Variants in TRAK1 observed in about 807,000 individuals in gnomAD.
TRAK1 encodes the protein trafficking kinesin-binding protein 1.
Under a neutral mutation model 92.1 loss-of-function variants are expected in TRAK1, and 33 were observed. The ratio of observed to expected loss-of-function variants is 0.36; its 90% CI spans 0.27 to 0.48. TRAK1 has a LOEUF of 0.48. Ranked by LOEUF, TRAK1 falls within the 20% of genes least tolerant of loss-of-function variation. TRAK1 has a pLI of 0.99. For synonymous variants in TRAK1, 521 were observed against 517.3 expected, an observed-to-expected ratio of 1.01 and a Z score of -0.10; for missense variants, 1,123 against 1,257.9, an observed-to-expected ratio of 0.89 and a Z score of 1.62.
intron 1 of TRAK1, among the ~76,000 whole-genome samples, chr3:42,019,895 T>G (rs544022504): frequency 6.6e-6 from 1 of 152,328 alleles, no homozygotes; most frequent in African/African-American, 2.4e-5. Context: ...CTTGAATTTA[T>G]GTTTGTCTGA....
At chr3:42,091,331 T>C, upstream of TRAK1, 1 of 724,794 alleles carries the variant, frequency 1.4e-6, no homozygotes, top group Non-Finnish European at 2.3e-6. Context: ...CTCACAATCT[T>C]AGGATTTGCC....
intron 12 of TRAK1, among the ~76,000 whole-genome samples, chr3:42,201,881 CGG>C (rs3071971): frequency 0.012 from 1,197 of 96,054 alleles, 13 homozygotes; most frequent in East Asian, 0.018. Flanking sequence ...GACGGACAGA[CGG>C]ACACACACAC....
chr3:42,162,938 A>G (rs992885382), intron 2 of TRAK1, among the ~76,000 whole-genome samples: 4 of 152,200 alleles, frequency 2.6e-5, no homozygotes, highest in Admixed American at 6.5e-5. Flanking sequence ...CAAGAGCCAG[A>G]TGATGATGAT....
chr3:42,073,890 TGACCCCGGAGTTCA>T (rs1441663348), intron 1 of TRAK1, among the ~76,000 whole-genome samples: 1 of 152,148 alleles, frequency 6.6e-6, no homozygotes, highest in Admixed American at 6.6e-5. Flanking sequence ...CAACCCAACT[TGACCCCGGAGTTCA>T]GACCCCATCA....
At chr3:42,080,767 CA>C (rs1704392740) in intron 1 of TRAK1, among the ~76,000 whole-genome samples, 1 of 152,216 alleles carries the variant, frequency 6.6e-6, no homozygotes, top group Non-Finnish European at 1.5e-5. Context: ...ACTCATTCTT[CA>C]AGCTAGAAAG....
intron 2 of TRAK1, among the ~76,000 whole-genome samples, chr3:42,129,296 G>A (rs779622579): frequency 6.6e-6 from 1 of 152,162 alleles, no homozygotes; most frequent in Admixed American, 6.5e-5. Flanking sequence ...GAGGTTCTCG[G>A]TTGTGGGCGG....
At chr3:42,158,790 A>T (rs1379159619) in intron 2 of TRAK1, among the ~76,000 whole-genome samples, 1 of 119,640 alleles carries the variant, frequency 8.4e-6, no homozygotes, top group Non-Finnish European at 2.0e-5. Context: ...AAAAATACAA[A>T]AAAAAAAAAA....
intron 1 of TRAK1, among the ~76,000 whole-genome samples, chr3:42,069,452 A>G (rs1479855182): frequency 6.6e-6 from 1 of 152,160 alleles, no homozygotes; most frequent in Non-Finnish European, 1.5e-5. Context: ...TAAGGAGGTA[A>G]CTGAGGACTG....
chr3:42,128,787 A>G (rs1015936037), intron 2 of TRAK1, among the ~76,000 whole-genome samples: 1 of 152,164 alleles, frequency 6.6e-6, no homozygotes, highest in Non-Finnish European at 1.5e-5. Context: ...CACTGCCATG[A>G]AGTTACATTT....
chr3:42,211,613 T>A (rs898062144), intron 14 of TRAK1: 18 of 985,264 alleles, frequency 1.8e-5, no homozygotes, highest in Non-Finnish European at 2.0e-5. Context: ...ACAGGTAGAA[T>A]AGAAGGTGAG....
chr3:42,122,938 C>T (rs936267199), intron 1 of TRAK1, among the ~76,000 whole-genome samples: 1 of 152,160 alleles, frequency 6.6e-6, no homozygotes, highest in Non-Finnish European at 1.5e-5. Flanking sequence ...TAGAGTCCCC[C>T]CTCCAGGACT....
chr3:42,040,037 C>T (rs1415472956), intron 1 of TRAK1, among the ~76,000 whole-genome samples: 1 of 147,488 alleles, frequency 6.8e-6, no homozygotes, highest in African/African-American at 2.7e-5. Context: ...CTATTCAGGT[C>T]CTTTGCCTAT....
intron 1 of TRAK1, among the ~76,000 whole-genome samples, chr3:42,015,451 C>G (rs1559698168): frequency 6.6e-6 from 1 of 151,690 alleles, no homozygotes; most frequent in Non-Finnish European, 1.5e-5. Flanking sequence ...GTTGCTTCTC[C>G]TTCTCTGTGG....
Position 42,223,965 on chromosome 3 carries a change from C to A in TRAK1, c.*228C>A. On this transcript the variant is annotated 3_prime_UTR_variant, in exon 16 of 16. Transcript: ENST00000327628. The surrounding 1 kb of genome is among the most constrained non-coding windows in gnomAD (Gnocchi z 6.1). ...GTCCGCCCTGCTCTTTCTTCCGATC[C>A]CACAGGAAGTGCCCCTGCACTGTCA... 2 of 642,914 alleles carry A rather than the reference C, an allele frequency of 3.1e-6. No homozygotes were observed. The highest frequency in any genetic ancestry group is 1.6e-5 in the South Asian group (1 of 62,078). The allele number at this position is 642,914 out of a possible 1,614,324, so 39.8% of individuals were successfully genotyped here.
intron 1 of TRAK1, among the ~76,000 whole-genome samples, chr3:42,078,884 C>A (rs1262153096): frequency 6.6e-6 from 1 of 152,020 alleles, no homozygotes; most frequent in Admixed American, 6.5e-5. Context: ...GAGCCACTTG[C>A]AAAATCTGGA....
At chr3:42,105,777 G>A (rs555597214) in intron 1 of TRAK1, among the ~76,000 whole-genome samples, 71 of 152,198 alleles carry the variant, frequency 4.7e-4, no homozygotes, top group African/African-American at 1.3e-3. Flanking sequence ...GAGAAAGGTC[G>A]GGTTACCCAC....
intron 1 of TRAK1, among the ~76,000 whole-genome samples, chr3:42,081,958 CCT>C (rs1285900899): frequency 6.6e-6 from 1 of 152,170 alleles, no homozygotes; most frequent in Non-Finnish European, 1.5e-5. Context: ...TCAAGAGGGG[CCT>C]CTCAGGCTTC....
chr3:42,027,828 A>G (rs1032162698), intron 1 of TRAK1, among the ~76,000 whole-genome samples: 84 of 152,270 alleles, frequency 5.5e-4, no homozygotes, highest in African/African-American at 1.8e-3. Context: ...TAAAGTAGGA[A>G]GCCTTTTATC....
chr3:42,075,071 A>G (rs904201199), intron 1 of TRAK1, among the ~76,000 whole-genome samples: 1 of 152,118 alleles, frequency 6.6e-6, no homozygotes, highest in Non-Finnish European at 1.5e-5. Context: ...ATTCTGTGGT[A>G]TATGTCCACA....
Sources: gnomAD v4.1 joint callset for allele counts (sites outside exome capture counted in the v4.1 genomes callset) on GRCh38, gnomAD v4.1.1 for gene constraint, Gnocchi (gnomAD v3.1) non-coding constraint, MANE v1.5 for transcripts, NCBI Gene and HGNC (gene_info 2026-07-23, HGNC 2026-07-21) for gene names.